Variants in MUC12 observed in about 807,000 individuals in gnomAD.
MUC12 encodes the protein mucin-12.
Under a neutral mutation model 230.8 loss-of-function variants are expected in MUC12, and 172 were observed. The ratio of observed to expected loss-of-function variants is 0.75; its 90% CI spans 0.66 to 0.85. The LOEUF is 0.85. MUC12 is among the 40% of genes least tolerant of loss of function. The probability of loss-of-function intolerance (pLI) is 0.00; values close to 1 mark genes in which losing one functional copy is unlikely to be tolerated. For missense variants in MUC12, 3,506 were observed against 5,920.6 expected, an observed-to-expected ratio of 0.59 and a Z score of 13.38; for synonymous variants, 1,259 against 2,401.9, an observed-to-expected ratio of 0.52 and a Z score of 13.91.
chr7:101,017,521 C>A (rs1271276187), intron 10 of MUC12, 54 bp from the exon 11 acceptor site: 34 of 1,160,874 alleles, frequency 2.9e-5, no homozygotes, highest in Non-Finnish European at 1.5e-5. Flanking sequence ...CCCTCTGCCC[C>A]CTAGTCCTCC....
chr7:101,010,069 G>A (rs1284468782), intron 5 of MUC12, among the ~76,000 whole-genome samples: 1 of 152,098 alleles, frequency 6.6e-6, no homozygotes. Context: ...GGAGAAAACA[G>A]GTCCAGTGTG....
rs1033283662 is a variant in MUC12 at position 101,018,870 on chromosome 7, CT to C, written c.*235del. On this transcript the variant is annotated 3_prime_UTR_variant, in exon 12 of 12. Coordinates refer to ENST00000536621, the MANE Select transcript of MUC12 (RefSeq NM_001164462.2). ...CAGACTCCCAGAAGCCTCGGCACCC[CT>C]GTCTCCTCCTGGGTGGCTCCCCACT... The C allele has an allele frequency of 4.0e-5, 19 of 471,836 alleles. No homozygotes were observed. The highest frequency in any genetic ancestry group is 3.4e-4 in the African/African-American group (17 of 49,366). 29.2% of individuals were successfully genotyped at this position (471,836 alleles called of 1,614,324 possible).
In MUC12 at chr7:100,995,655, A is replaced by G. The variant is rs950764635; in HGVS notation, c.5092A>G (p.Thr1698Ala). ...CCAGAGCTGGCCAAGCTCAAAGGAC[A>G]CTATGCCTGCACCTCCTACTACCAC... ...TFQSWPSSKD[T>A]MPAPPTTTSA... Residue 1698 changes from threonine (T) to alanine (A), a missense_variant, in exon 2 of 12, where the codon ACT (threonine) becomes GCT (alanine). Physicochemically the swap from Thr to Ala is moderately conservative, Grantham distance 58. Coordinates refer to ENST00000536621, the MANE Select transcript of MUC12 (RefSeq NM_001164462.2). 5.9e-5 allele frequency: 91 copies of G among 1,537,050 alleles called. 2 individuals are homozygous for G. The Middle Eastern group carries it at 1.5e-3, about 25-fold the overall frequency.
In MUC12 at chr7:101,004,962, A is replaced by C; in HGVS notation, c.14399A>C (p.Lys4800Thr). 1 of 1,537,710 alleles carries C rather than the reference A, an allele frequency of 6.5e-7. No individual in the cohort carries two copies. Among genetic ancestry groups the C allele is most frequent in the Non-Finnish European group, 8.7e-7 (1 of 1,147,032 alleles). The change falls in exon 2 of 12, where the codon AAG (lysine) becomes ACG (threonine). Residue 4800 changes from lysine (K) to threonine (T), a missense_variant. Lys to Thr is a moderately conservative substitution (Grantham distance 78). Coordinates refer to ENST00000536621, the MANE Select transcript of MUC12 (RefSeq NM_001164462.2). ...LSQESTTFHS[K>T]PGSTETTLSP... ...CAGGAATCAACAACTTTCCACAGTA[A>C]GCCAGGCTCAACTGAGACAACACTG...
chr7:101,006,375 C>G (rs1372856640), intron 2 of MUC12, 96 bp from the exon 3 acceptor site: 1 of 799,210 alleles, frequency 1.3e-6, no homozygotes, highest in Non-Finnish European at 2.1e-6. Context: ...GTCCTGCTCT[C>G]CAGTGCGATG....
At position 100,992,854 on chromosome 7, in the gene MUC12, G is replaced by T. The variant is rs1364244619; in HGVS notation, c.2291G>T (p.Ser764Ile). The T allele has an allele frequency of 3.9e-6, 6 of 1,537,652 alleles. No individual in the cohort carries two copies. The highest frequency in any genetic ancestry group is 5.2e-6 in the Non-Finnish European group (6 of 1,147,032). The change falls in exon 2 of 12, where the codon AGT becomes ATT. Residue 764 changes from serine (S) to isoleucine (I), a missense_variant. Physicochemically the swap from Ser to Ile is moderately radical, Grantham distance 142 (BLOSUM62 -2). Transcript: ENST00000536621. The part of the protein sequence containing the change: ...FPDSSTTSGR[S>I]EESTASHSSQ... Reference sequence around the variant, plus strand: ...GACAGCTCCACAACCTCAGGCCGTAGTGAGGAATCAACAGCATCGCACAGC... The same window carrying T: ...GACAGCTCCACAACCTCAGGCCGTATTGAGGAATCAACAGCATCGCACAGC...
At chr7:100,977,654 G>A (rs1392506686) in intron 1 of MUC12, among the ~76,000 whole-genome samples, 4 of 152,072 alleles carry the variant, frequency 2.6e-5, no homozygotes, top group African/African-American at 4.8e-5. Context: ...ATAAGCCACC[G>A]TGCCTGGCCA....
Position 100,990,778 on chromosome 7 carries a change from C to T in MUC12, c.215C>T (p.Ser72Phe). Reference protein sequence around the residue: ...STATKHFLDSSTNSGHSEEST... With the variant: ...STATKHFLDSFTNSGHSEEST... ...GCAACAAAACACTTCCTTGACAGCT[C>T]CACAAACTCAGGCCACAGTGAGGAA... Residue 72 changes from serine to phenylalanine, a missense_variant, in exon 2 of 12, where the codon TCC becomes TTC. By Grantham distance (155) the Ser-to-Phe change is radical. Coordinates refer to ENST00000536621, the MANE Select transcript of MUC12 (RefSeq NM_001164462.2). The T allele has an allele frequency of 6.5e-7, 1 of 1,537,840 alleles. No individual in the cohort carries two copies. Among genetic ancestry groups the T allele is most frequent in the South Asian group, 1.2e-5 (1 of 84,060 alleles).
Position 101,018,692 on chromosome 7 carries a change from G to A in MUC12, c.*56G>A. On this transcript the variant is annotated 3_prime_UTR_variant, in exon 12 of 12. Transcript: ENST00000536621. ...TCTGTTCAGGAGAGCTGCAAACACA[G>A]AGCCCACCACAAGCCTCCGGGGCGG... 6.7e-7 allele frequency: 1 copy of A among 1,501,720 alleles called. No homozygotes were observed. Among genetic ancestry groups the A allele is most frequent in the Non-Finnish European group, 8.9e-7 (1 of 1,123,416 alleles). The allele number at this position is 1,501,720 out of a possible 1,614,324, so 93.0% of individuals were successfully genotyped here. A position where few individuals can be genotyped will look rare whatever the true frequency, so the allele number is the denominator to read the frequency against.
chr7:101,005,051 G>A lies in MUC12; in HGVS notation c.14488G>A (p.Gly4830Ser). Residue 4830 changes from glycine (G) to serine (S), a missense_variant, in exon 2 of 12, where the codon GGC becomes AGC. Physicochemically the swap from Gly to Ser is moderately conservative, Grantham distance 56. Coordinates refer to ENST00000536621, the MANE Select transcript of MUC12 (RefSeq NM_001164462.2). ...ATTTACCACCCCTCATAGCCAACCA[G>A]GCTCAGCTCTGTCAACAGTGTCACC... ...QEFTTPHSQP[G>S]SALSTVSPAS... is the part of the protein sequence containing the mutation. 1.3e-6 allele frequency: 2 copies of A among 1,537,760 alleles called. No homozygotes were observed. Among genetic ancestry groups the A allele is most frequent in the Middle Eastern group, 1.7e-4 (1 of 5,996 alleles).
chr7:101,009,439 C>T (rs751605887), intron 5 of MUC12, among the ~76,000 whole-genome samples: 3 of 152,160 alleles, frequency 2.0e-5, no homozygotes, highest in Admixed American at 6.5e-5. Flanking sequence ...GGAAAAGTGG[C>T]TAAGCAGTCT....
At chr7:101,013,664 C>T (rs993425146) in intron 8 of MUC12, among the ~76,000 whole-genome samples, 2 of 152,146 alleles carry the variant, frequency 1.3e-5, no homozygotes, top group African/African-American at 4.8e-5. Flanking sequence ...TGGGACGAGA[C>T]ACCCAACACT....
rs1013571816 is a variant in MUC12 at position 101,017,628 on chromosome 7, C to G, written c.15931C>G (p.Arg5311Gly). 1.2e-5 allele frequency: 19 copies of G among 1,536,018 alleles called. No individual in the cohort carries two copies. The East Asian group carries it at 1.7e-4, about 14-fold the overall frequency. Reference protein sequence around the residue: ...FGLENAYNNFRPTLETVDSGT... With the variant: ...FGLENAYNNFGPTLETVDSGT... Reference sequence around the variant, plus strand: ...CCTTGAGAACGCCTACAACAACTTCCGGCCCACCCTGGAGACTGTTGACTC... The same window carrying G: ...CCTTGAGAACGCCTACAACAACTTCGGGCCCACCCTGGAGACTGTTGACTC... The change falls in exon 11 of 12, where the codon CGG (arginine) becomes GGG (glycine). Residue 5311 changes from arginine to glycine, a missense_variant. Physicochemically the swap from Arg to Gly is moderately radical, Grantham distance 125 (BLOSUM62 -2). Coordinates refer to ENST00000536621, the MANE Select transcript of MUC12 (RefSeq NM_001164462.2).
chr7:100,995,398 G>T lies in MUC12; in HGVS notation c.4835G>T (p.Gly1612Val), dbSNP rs1161922688. The T allele has an allele frequency of 7.0e-5, 107 of 1,533,826 alleles. No homozygotes were observed. The highest frequency in any genetic ancestry group is 6.3e-4 in the Admixed American group (32 of 50,762). ...TCTACAGCTTCCCACAGCAGCCCAG[G>T]CTCCACAGACACAACATTGTCCCCT... ...QESTASHSSP[G>V]STDTTLSPGS... Residue 1612 changes from glycine to valine, a missense_variant, in exon 2 of 12, where the codon GGC (glycine) becomes GTC (valine). Transcript: ENST00000536621.
chr7:101,004,649 A>T lies in MUC12; in HGVS notation c.14086A>T (p.Thr4696Ser). The change falls in exon 2 of 12, where the codon ACA (threonine) becomes TCA (serine). Residue 4696 changes from threonine (T) to serine (S), a missense_variant. Thr to Ser is a moderately conservative substitution (Grantham distance 58, BLOSUM62 1). Transcript: ENST00000536621. ...CAGCAGCCCAGATACAAATGGAATC[A>T]CACCCTTACCTGCCCATTTTACTAC... The part of the protein sequence containing the change: ...SHSSPDTNGI[T>S]PLPAHFTTSG... 5.2e-6 allele frequency: 8 copies of T among 1,537,450 alleles called. No homozygotes were observed. The highest frequency in any genetic ancestry group is 7.0e-6 in the Non-Finnish European group (8 of 1,146,634).
intron 1 of MUC12, among the ~76,000 whole-genome samples, chr7:100,990,183 C>A (rs138486372): frequency 6.6e-6 from 1 of 152,206 alleles, no homozygotes; most frequent in African/African-American, 2.4e-5. Flanking sequence ...AAGTGAGTAG[C>A]GGGCCAGCGA....
In MUC12 at chr7:100,992,965, G is replaced by A; in HGVS notation, c.2402G>A (p.Ser801Asn). 1 of 1,537,398 alleles carries A rather than the reference G, an allele frequency of 6.5e-7. No homozygotes were observed. The highest frequency in any genetic ancestry group is 2.0e-5 in the Admixed American group (1 of 50,958). The change falls in exon 2 of 12, where the codon AGT becomes AAT. Residue 801 changes from serine to asparagine, a missense_variant. Physicochemically the swap from Ser to Asn is conservative, Grantham distance 46. Coordinates refer to ENST00000536621, the MANE Select transcript of MUC12 (RefSeq NM_001164462.2). ...GGAGAATCTACGACCTCACCCATCA[G>A]TTCAGGCTCAATGGAAACGACAGCG... ...LLGESTTSPI[S>N]SGSMETTALP...
intron 9 of MUC12, 83 bp downstream of exon 9, chr7:101,014,157 T>C: frequency 1.4e-6 from 2 of 1,398,398 alleles, no homozygotes; most frequent in Non-Finnish European, 1.9e-6. Flanking sequence ...CCTAAGGCTC[T>C]GCTCCTTCCA....
chr7:100,991,544 T>C lies in MUC12; in HGVS notation c.981T>C (p.Ser327=). The change falls in exon 2 of 12, where the codon AGT becomes AGC. Residue 327 remains serine, a synonymous_variant. Coordinates refer to ENST00000536621, the MANE Select transcript of MUC12 (RefSeq NM_001164462.2). ...CCAGCTCCACAACCTTGGGCCATAG[T>C]GAGGAATCGACACCAGTCCACAGCA... ...FSASSTTLGH[S]EESTPVHSSP... 2 of 1,537,276 alleles carry C rather than the reference T, an allele frequency of 1.3e-6. No individual in the cohort carries two copies. The highest frequency in any genetic ancestry group is 1.7e-6 in the Non-Finnish European group (2 of 1,146,596).
Sources: gnomAD v4.1 joint callset for allele counts (sites outside exome capture counted in the v4.1 genomes callset) on GRCh38, gnomAD v4.1.1 for gene constraint, MANE v1.5 for transcripts, NCBI Gene and HGNC (gene_info 2026-07-23, HGNC 2026-07-21) for gene names.